PPP4R3A: variants seen among roughly 807,000 people sequenced by gnomAD.
PPP4R3A encodes serine/threonine-protein phosphatase 4 regulatory subunit 3A.
A neutral mutation model predicts 91.7 loss-of-function variants in PPP4R3A; 15 were observed. The ratio of observed to expected loss-of-function variants is 0.16; its 90% confidence interval spans 0.11 to 0.25. The LOEUF (loss-of-function observed/expected upper bound fraction) is 0.25. Ranked by LOEUF, PPP4R3A falls within the 10% of genes least tolerant of loss-of-function variation. PPP4R3A has a pLI of 1.00. For synonymous variants in PPP4R3A, 377 were observed against 348.7 expected, an observed-to-expected ratio of 1.08 and a Z score of -0.91; for missense variants, 623 against 998.4, an observed-to-expected ratio of 0.62 and a Z score of 5.07.
intron 13 of PPP4R3A, 175 bp from the exon 14 acceptor site, chr14:91,461,782 T>C: frequency 1.2e-6 from 1 of 837,636 alleles, no homozygotes; most frequent in South Asian, 1.9e-5. Context: ...CATTGGATCT[T>C]ACCCCAGAGA....
intron 14 of PPP4R3A, among the ~76,000 whole-genome samples, chr14:91,460,974 A>T (rs562174287): frequency 2.0e-5 from 3 of 151,732 alleles, no homozygotes; most frequent in African/African-American, 7.3e-5. Flanking sequence ...TTTTCTTAAC[A>T]AACCTTAACT....
At chr14:91,483,799 AT>A (rs1003453110) in intron 3 of PPP4R3A, among the ~76,000 whole-genome samples, 1 of 152,256 alleles carries the variant, frequency 6.6e-6, no homozygotes, top group African/African-American at 2.4e-5. Context: ...TCAGAAAAGA[AT>A]ATTAAAGCAG....
chr14:91,506,138 A>G lies in PPP4R3A; in HGVS notation c.142+3368T>C, dbSNP rs1445546999. 7.2e-5 allele frequency among the ~76,000 whole-genome samples: 11 copies of G among 152,186 alleles called. No homozygotes were observed. The East Asian group carries it at 1.9e-3, about 27-fold the overall frequency. On this transcript the variant is annotated intron_variant, in intron 1 of 14. Coordinates refer to ENST00000554943, the MANE Select transcript of PPP4R3A (RefSeq NM_001366432.2). ...ATTTTTGTATGTTTTTAGTAGAGAC[A>G]GGGTTTCACCATATTAGCCAGGATG...
intron 7 of PPP4R3A, chr14:91,474,548 A>G (rs1461023481): frequency 6.6e-6 from 1 of 152,134 alleles, no homozygotes; most frequent in African/African-American, 2.4e-5. Flanking sequence ...ATACATGTTC[A>G]TATGTTCAGC....
intron 4 of PPP4R3A, 65 bp downstream of exon 4, chr14:91,481,511 T>C: frequency 1.4e-6 from 2 of 1,463,174 alleles, no homozygotes; most frequent in Non-Finnish European, 1.8e-6. Context: ...ATGTATGTAT[T>C]TAAAAGGAGC....
At chr14:91,504,105 C>G (rs1032479748) in intron 1 of PPP4R3A, among the ~76,000 whole-genome samples, 1 of 151,436 alleles carries the variant, frequency 6.6e-6, no homozygotes, top group African/African-American at 2.4e-5. Flanking sequence ...ATGCCTGAGC[C>G]CAGGAGTTCG....
At chr14:91,507,386 AT>A (rs1217836630) in intron 1 of PPP4R3A, among the ~76,000 whole-genome samples, 14,415 of 90,286 alleles carry the variant, frequency 0.16, 3,235 homozygotes, top group Non-Finnish European at 0.23. Flanking sequence ...TATATACTAT[AT>A]AGTATATGTA....
chr14:91,458,793 A>G lies in PPP4R3A; in HGVS notation c.2468T>C (p.Leu823Ser), dbSNP rs1028208566. ...AAATTTTGCTTTCTTTGACAATGGT[A>G]ACGTATCTTCCTTATCTTCATCCTC... ...DDEDEDKEDT[L>S]PLSKKAKFDS Residue 823 changes from leucine (L) to serine (S), a missense_variant, in exon 15 of 15, where the codon TTA becomes TCA. Leu to Ser is a moderately radical substitution (Grantham distance 145, BLOSUM62 -2). Around this residue, in one of 5 missense-constraint regions of PPP4R3A, gnomAD observed 201 missense variants for 229.9 expected, o/e 0.87. Coordinates refer to ENST00000554943, the MANE Select transcript of PPP4R3A (RefSeq NM_001366432.2). The G allele has an allele frequency of 6.2e-7, 1 of 1,614,002 alleles. No individual in the cohort carries two copies. Among genetic ancestry groups the G allele is most frequent in the Non-Finnish European group, 8.5e-7 (1 of 1,180,008 alleles).
At chr14:91,470,059 CAACA>C (rs1023888604) in intron 10 of PPP4R3A, among the ~76,000 whole-genome samples, 1 of 152,034 alleles carries the variant, frequency 6.6e-6, no homozygotes, top group African/African-American at 2.4e-5. Flanking sequence ...ACAACAACAA[CAACA>C]AACACTCAAA....
chr14:91,460,830 A>AGGACGGTCTC (rs1888101542), intron 14 of PPP4R3A, among the ~76,000 whole-genome samples: 1 of 151,978 alleles, frequency 6.6e-6, no homozygotes, highest in South Asian at 2.1e-4. Flanking sequence ...CACGTTAGCC[A>AGGACGGTCTC]GGACGGTCTC....
chr14:91,468,045 A>C (rs1888585264), intron 10 of PPP4R3A, among the ~76,000 whole-genome samples: 1 of 152,200 alleles, frequency 6.6e-6, no homozygotes, highest in African/African-American at 2.4e-5. Context: ...AGTTCTAAAA[A>C]GCTTGTTCCT....
intron 2 of PPP4R3A, 148 bp downstream of exon 2, chr14:91,490,597 CTA>C: frequency 1.6e-6 from 1 of 613,726 alleles, no homozygotes; most frequent in Non-Finnish European, 2.8e-6. Context: ...GTATTAAACA[CTA>C]TAGGAATTGG....
At chr14:91,465,522 A>T (rs1010481524) in intron 10 of PPP4R3A, 103 bp from the exon 11 acceptor site, 1 of 963,878 alleles carries the variant, frequency 1.0e-6, no homozygotes, top group African/African-American at 1.7e-5. Flanking sequence ...TGTTTAACAC[A>T]TATCAATAAT....
At chr14:91,471,052 A>C in intron 9 of PPP4R3A, 57 bp from the exon 10 acceptor site, 5 of 1,486,504 alleles carry the variant, frequency 3.4e-6, no homozygotes, top group Non-Finnish European at 3.6e-6. Flanking sequence ...TTCCTTCTAA[A>C]ATGTAAGAAC....
intron 14 of PPP4R3A, among the ~76,000 whole-genome samples, 162 bp downstream of exon 14, chr14:91,461,219 C>A (rs1348502232): frequency 6.6e-6 from 1 of 152,132 alleles, no homozygotes; most frequent in Non-Finnish European, 1.5e-5. Flanking sequence ...AGAAATTTCT[C>A]AACCTTTATA....
chr14:91,462,331 T>A, intron 12 of PPP4R3A, 92 bp from the exon 13 acceptor site: 1 of 1,217,284 alleles, frequency 8.2e-7, no homozygotes. Flanking sequence ...CATAGGGAAT[T>A]AACATGAAAT....
At chr14:91,474,163 T>G (rs1318706154) in intron 7 of PPP4R3A, among the ~76,000 whole-genome samples, 4 of 152,210 alleles carry the variant, frequency 2.6e-5, no homozygotes, top group Non-Finnish European at 5.9e-5. Flanking sequence ...TTAAAATAAA[T>G]TTAGGAAAAA....
intron 10 of PPP4R3A, chr14:91,466,421 G>A: frequency 1.0e-6 from 1 of 985,798 alleles, no homozygotes; most frequent in East Asian, 1.1e-4. Flanking sequence ...CGGTTTCTGG[G>A]TGGGAAGGCA....
At chr14:91,509,427 G>A (rs777440718) in intron 1 of PPP4R3A, 79 bp downstream of exon 1, 14 of 1,522,478 alleles carry the variant, frequency 9.2e-6, no homozygotes, top group African/African-American at 2.8e-5. Flanking sequence ...TGGAGCGAGC[G>A]CCATGCCCCG....
Sources: gnomAD v4.1 joint callset for allele counts (sites outside exome capture counted in the v4.1 genomes callset) on GRCh38, gnomAD v4.1.1 for gene constraint, gnomAD v4.1.1 regional missense constraint, MANE v1.5 for transcripts, NCBI Gene and HGNC (gene_info 2026-07-23, HGNC 2026-07-21) for gene names.